IMPG2: variants seen among roughly 807,000 people sequenced by gnomAD.
IMPG2 encodes the protein IPM 200.
IMPG2 carries 91 observed loss-of-function variants against 129.2 expected under a neutral mutation model. The ratio of observed to expected loss-of-function variants is 0.70; its 90% confidence interval spans 0.59 to 0.84. IMPG2 has a LOEUF of 0.84. IMPG2 is among the 40% of genes least tolerant of loss of function. IMPG2 has a pLI of 0.00. For missense variants in IMPG2, 1,430 were observed against 1,461.7 expected, an observed-to-expected ratio of 0.98 and a Z score of 0.35; for synonymous variants, 510 against 517.7, an observed-to-expected ratio of 0.99 and a Z score of 0.20.
chr3:101,296,236 C>T (rs919456745), intron 3 of IMPG2, among the ~76,000 whole-genome samples: 2 of 152,082 alleles, frequency 1.3e-5, no homozygotes, highest in African/African-American at 4.8e-5. Context: ...GAGATATAGT[C>T]CATCAATACC....
chr3:101,282,980 C>T (rs576109634), intron 4 of IMPG2, among the ~76,000 whole-genome samples: 1 of 152,256 alleles, frequency 6.6e-6, no homozygotes, highest in Non-Finnish European at 1.5e-5. Context: ...ATTTCTTAAC[C>T]ACATGGGACA....
At chr3:101,318,747 T>C (rs929426158) in intron 2 of IMPG2, among the ~76,000 whole-genome samples, 1 of 152,140 alleles carries the variant, frequency 6.6e-6, no homozygotes, top group African/African-American at 2.4e-5. Context: ...CACATCCATA[T>C]TATGGCTTTT....
At position 101,313,996 on chromosome 3, in the gene IMPG2, A is replaced by T. The variant is rs373048224; in HGVS notation, c.334+5588T>A. 4.6e-5 allele frequency among the ~76,000 whole-genome samples: 7 copies of T among 152,238 alleles called. No individual in the cohort carries two copies. The South Asian group carries it at 1.2e-3, about 27-fold the overall frequency. The stretch of plus-strand genomic sequence containing the variant: ...AAATATCACTAATAATAGATGAAAA[A>T]ATGTGAAATCCTTATAAATAAATCT... On this transcript the variant is annotated intron_variant, in intron 2 of 18. Coordinates refer to ENST00000193391, the MANE Select transcript of IMPG2 (RefSeq NM_016247.4).
Position 101,231,022 on chromosome 3 carries a change from G to A in IMPG2, c.3357C>T (p.Ile1119=). 6.2e-7 allele frequency: 1 copy of A among 1,614,070 alleles called. No individual in the cohort carries two copies. Among genetic ancestry groups the A allele is most frequent in the South Asian group, 1.1e-5 (1 of 91,090 alleles). Residue 1119 remains isoleucine (I), a synonymous_variant, in exon 16 of 19, where the codon ATC becomes ATT. Coordinates refer to ENST00000193391, the MANE Select transcript of IMPG2 (RefSeq NM_016247.4). ...GGAGAGTCCTGATGAAGAAGTAGAT[G>A]ATAGCAGAAAAGATGACAAGAAGTC... ...VVGLLVIFSA[I]IYFFIRTLQA... is the part of the protein sequence containing the mutation.
intron 2 of IMPG2, among the ~76,000 whole-genome samples, chr3:101,304,945 T>C (rs1339748728): frequency 6.6e-6 from 1 of 151,998 alleles, no homozygotes; most frequent in Non-Finnish European, 1.5e-5. Flanking sequence ...GATATCCACC[T>C]GAAATTATCA....
In IMPG2 at chr3:101,305,407, T is replaced by C. The variant is rs72936139; in HGVS notation, c.335-1095A>G. Among the ~76,000 whole-genome samples, 402 of 152,290 alleles carry C rather than the reference T, an allele frequency of 2.6e-3. 1 individual carries two copies. Among genetic ancestry groups the C allele is most frequent in the African/African-American group, 9.1e-3 (377 of 41,570 alleles). ...CTCCATATGATACTATAATGGAGGA[T>C]ACATGTCGTTATACATTTGTCAAAA... On this transcript the variant is annotated intron_variant, in intron 2 of 18. Coordinates refer to ENST00000193391, the MANE Select transcript of IMPG2 (RefSeq NM_016247.4).
intron 18 of IMPG2, among the ~76,000 whole-genome samples, chr3:101,227,194 C>T (rs972883557): frequency 2.6e-5 from 4 of 152,120 alleles, no homozygotes; most frequent in Admixed American, 6.5e-5. Context: ...GAATCAACTC[C>T]ATTAACATTT....
intron 2 of IMPG2, among the ~76,000 whole-genome samples, chr3:101,312,413 T>C (rs1450772092): frequency 2.0e-5 from 3 of 151,988 alleles, no homozygotes; most frequent in East Asian, 1.9e-4. Flanking sequence ...AATAAGCATA[T>C]GAAAAGTTGA....
At chr3:101,239,667 A>G (rs771312496) in intron 14 of IMPG2, among the ~76,000 whole-genome samples, 2 of 152,228 alleles carry the variant, frequency 1.3e-5, no homozygotes, top group African/African-American at 2.4e-5. Flanking sequence ...CTTGGAACCA[A>G]TCCAAATGCC....
chr3:101,269,615 T>C (rs1706757835), intron 7 of IMPG2, 42 bp from the exon 8 acceptor site: 4 of 1,103,584 alleles, frequency 3.6e-6, no homozygotes, highest in South Asian at 1.3e-5. Context: ...TGTAAAAATA[T>C]GGAAAAATAT....
chr3:101,301,239 TAA>T, intron 3 of IMPG2, among the ~76,000 whole-genome samples: 1 of 152,286 alleles, frequency 6.6e-6, no homozygotes, highest in South Asian at 2.1e-4. Flanking sequence ...ACAGATCACA[TAA>T]GAGATAAAGA....
chr3:101,316,336 G>GA (rs2058785073), intron 2 of IMPG2, among the ~76,000 whole-genome samples: 1 of 151,840 alleles, frequency 6.6e-6, no homozygotes, highest in Non-Finnish European at 1.5e-5. Context: ...CAGATTGCAA[G>GA]AAAAATGTAT....
At chr3:101,318,592 T>C (rs2058796376) in intron 2 of IMPG2, among the ~76,000 whole-genome samples, 1 of 152,150 alleles carries the variant, frequency 6.6e-6, no homozygotes, top group Non-Finnish European at 1.5e-5. Context: ...AAGTAGCAGC[T>C]CAGACAGAAG....
chr3:101,274,711 T>C (rs1393584034), intron 6 of IMPG2, among the ~76,000 whole-genome samples: 2 of 152,234 alleles, frequency 1.3e-5, no homozygotes, highest in African/African-American at 2.4e-5. Context: ...TTAAAGTGAA[T>C]TATATCTCAT....
At chr3:101,268,631 A>ATG (rs1366440743) in intron 8 of IMPG2, among the ~76,000 whole-genome samples, 1 of 151,748 alleles carries the variant, frequency 6.6e-6, no homozygotes, top group Non-Finnish European at 1.5e-5. Context: ...ATATATATAT[A>ATG]TATAAAGCCT....
At chr3:101,304,372 G>T in intron 2 of IMPG2, 60 bp from the exon 3 acceptor site, 2 of 1,442,652 alleles carry the variant, frequency 1.4e-6, no homozygotes, top group African/African-American at 1.4e-5. Flanking sequence ...TTCTTACAAT[G>T]ATCATAGACT....
intron 17 of IMPG2, among the ~76,000 whole-genome samples, chr3:101,229,137 G>A (rs1377374645): frequency 4.4e-4 from 29 of 66,588 alleles, no homozygotes; most frequent in South Asian, 4.7e-4. Context: ...AGTTAATAAC[G>A]CAAAAAAAAA....
At chr3:101,313,069 A>T (rs537271728) in intron 2 of IMPG2, among the ~76,000 whole-genome samples, 1 of 152,244 alleles carries the variant, frequency 6.6e-6, no homozygotes, top group Admixed American at 6.5e-5. Flanking sequence ...TTAATTTTGT[A>T]GTATGAATGG....
Position 101,317,144 on chromosome 3 carries a change from T to C in IMPG2, c.334+2440A>G, listed in dbSNP as rs1355136645. Reference sequence around the variant, plus strand: ...GAAATGTTTAAGAGTGATTGATAGGTTTATTATCTTAACTATAATGATGGT... The same window carrying C: ...GAAATGTTTAAGAGTGATTGATAGGCTTATTATCTTAACTATAATGATGGT... On this transcript the variant is annotated intron_variant, in intron 2 of 18. Coordinates refer to ENST00000193391, the MANE Select transcript of IMPG2 (RefSeq NM_016247.4). Among the ~76,000 whole-genome samples the C allele has an allele frequency of 2.0e-5, 3 of 152,184 alleles. No homozygotes were observed. In the East Asian group the frequency reaches 5.8e-4, roughly 29 times the overall value.
Sources: gnomAD v4.1 joint callset for allele counts (sites outside exome capture counted in the v4.1 genomes callset) on GRCh38, gnomAD v4.1.1 for gene constraint, MANE v1.5 for transcripts, NCBI Gene and HGNC (gene_info 2026-07-23, HGNC 2026-07-21) for gene names.